Variants in GPR155 observed in about 807,000 individuals in gnomAD.
GPR155 encodes lysosomal cholesterol signaling protein.
A neutral mutation model predicts 93.1 loss-of-function variants in GPR155; 65 were observed. The ratio of observed to expected loss-of-function variants is 0.70; its 90% CI spans 0.57 to 0.86. GPR155 has a LOEUF of 0.86. Among genes scored for constraint, GPR155 ranks in the 40% least tolerant of loss-of-function variants. GPR155 has a pLI of 0.00. For missense variants in GPR155, 838 were observed against 1,034.8 expected (o/e 0.81, Z 2.61); for synonymous variants, 319 against 360.1 (o/e 0.89, Z 1.29).
chr2:174,436,340 A>G lies in GPR155; in HGVS notation c.2389T>C (p.Ser797Pro). The change falls in exon 16 of 16, where the codon TCC becomes CCC. Residue 797 changes from serine to proline, a missense_variant. Ser to Pro is a moderately conservative substitution (Grantham distance 74). This residue lies in a region of GPR155 where 146 missense variants were observed against 177.5 expected (regional missense o/e 0.82). Coordinates refer to ENST00000392552, the MANE Select transcript of GPR155 (RefSeq NM_152529.7). ...VSWLIEVGLA[S>P]DRGEAVIYGD... is the part of the protein sequence containing the mutation. ...TATATCACAGCTTCACCACGGTCGG[A>G]GGCAAGGCCGACTTCAATTAGCCAG... 1 of 1,614,156 alleles carries G rather than the reference A, an allele frequency of 6.2e-7. No homozygotes were observed. The highest frequency in any genetic ancestry group is 1.1e-5 in the South Asian group (1 of 91,078).
In GPR155 at chr2:174,445,123, A is replaced by G. The variant is rs1687080695; in HGVS notation, c.2067T>C (p.Tyr689=). ...CGGCACAGAAAAACTGTAACTCAAC[A>G]TAAAGTCTTCCAGGCTCTTGGTTGA... ...WLFNQEPGRL[Y]VELQFFCAVF... The change falls in exon 13 of 16, where the codon TAT becomes TAC. Residue 689 remains tyrosine, a synonymous_variant. Coordinates refer to ENST00000392552, the MANE Select transcript of GPR155 (RefSeq NM_152529.7). 2.5e-6 allele frequency: 4 copies of G among 1,604,042 alleles called. No individual in the cohort carries two copies. Among genetic ancestry groups the G allele is most frequent in the Non-Finnish European group, 3.4e-6 (4 of 1,170,862 alleles).
intron 2 of GPR155, among the ~76,000 whole-genome samples, chr2:174,476,370 A>T (rs995044252): frequency 6.6e-6 from 1 of 152,072 alleles, no homozygotes; most frequent in African/African-American, 2.4e-5. Context: ...CTTTGGGAGG[A>T]CAAGGCAGGC....
chr2:174,464,374 T>C (rs1687782467), intron 7 of GPR155, among the ~76,000 whole-genome samples: 1 of 152,072 alleles, frequency 6.6e-6, no homozygotes, highest in Non-Finnish European at 1.5e-5. Flanking sequence ...AAATCAATTT[T>C]AAGGAAAAAA....
At chr2:174,473,481 C>A in intron 2 of GPR155, 117 bp from the exon 3 acceptor site, 5 of 650,982 alleles carry the variant, frequency 7.7e-6, no homozygotes, top group Admixed American at 3.3e-5. Context: ...TCAAAATGAC[C>A]CAAATAGCCT....
chr2:174,453,504 C>G (rs1244409628), intron 11 of GPR155, among the ~76,000 whole-genome samples: 3 of 151,542 alleles, frequency 2.0e-5, no homozygotes, highest in Non-Finnish European at 2.9e-5. Flanking sequence ...ACTAAAAATA[C>G]AAAAAATTAG....
Position 174,440,039 on chromosome 2 carries a change from A to G in GPR155, c.2175-4T>C. 1 of 1,604,972 alleles carries G rather than the reference A, an allele frequency of 6.2e-7. No individual in the cohort carries two copies. Among genetic ancestry groups the G allele is most frequent in the Non-Finnish European group, 8.5e-7 (1 of 1,176,432 alleles). ...ATTGTTCCATAGGAATTCAAGTCTG[A>G]AAATCAAATTTATGGCCATTTTTAA... On this transcript the variant is annotated splice_region_variant and splice_polypyrimidine_tract_variant and intron_variant, in intron 14 of 15. Transcript: ENST00000392552.
intron 11 of GPR155, among the ~76,000 whole-genome samples, chr2:174,449,884 G>C (rs946161773): frequency 3.3e-5 from 5 of 152,190 alleles, no homozygotes; most frequent in Admixed American, 3.3e-4. Flanking sequence ...GCTGAGACAG[G>C]AGAATTGCTT....
chr2:174,469,039 A>G lies in GPR155; in HGVS notation c.1055T>C (p.Phe352Ser). 6.2e-7 allele frequency: 1 copy of G among 1,614,104 alleles called. No individual in the cohort carries two copies. The highest frequency in any genetic ancestry group is 8.5e-7 in the Non-Finnish European group (1 of 1,179,958). ...AACGTACATGATGGGAGCAGACACA[A>G]ATGTGCTTATCACCATCCCTGAGGT... ...IITSGMVIST[F>S]VSAPIMYVSA... is the part of the protein sequence containing the mutation. The change falls in exon 5 of 16, where the codon TTT (phenylalanine) becomes TCT (serine). Residue 352 changes from phenylalanine to serine, a missense_variant. By Grantham distance (155) the Phe-to-Ser change is radical. This residue lies in a region of GPR155 where 663 missense variants were observed against 790.1 expected (regional missense o/e 0.84). Coordinates refer to ENST00000392552, the MANE Select transcript of GPR155 (RefSeq NM_152529.7).
At chr2:174,441,169 G>A (rs993873678) in intron 14 of GPR155, among the ~76,000 whole-genome samples, 5 of 151,688 alleles carry the variant, frequency 3.3e-5, no homozygotes, top group African/African-American at 2.4e-5. Flanking sequence ...TGGTGTCTTC[G>A]CAGTTACTAA....
intron 11 of GPR155, among the ~76,000 whole-genome samples, chr2:174,449,186 C>T (rs1485253479): frequency 6.6e-6 from 1 of 152,170 alleles, no homozygotes; most frequent in Non-Finnish European, 1.5e-5. Flanking sequence ...GAGATACCGT[C>T]TTGCATCAGT....
At position 174,473,188 on chromosome 2, in the gene GPR155, G is replaced by A. The variant is rs769390867; in HGVS notation, c.637C>T (p.Arg213Cys). 12 of 1,612,774 alleles carry A rather than the reference G, an allele frequency of 7.4e-6. No individual in the cohort carries two copies. The highest frequency in any genetic ancestry group is 6.7e-5 in the East Asian group (3 of 44,868). The change falls in exon 3 of 16, where the codon CGT becomes TGT. Residue 213 changes from arginine to cysteine, a missense_variant. Arg to Cys is a radical substitution (Grantham distance 180). Coordinates refer to ENST00000392552, the MANE Select transcript of GPR155 (RefSeq NM_152529.7). ...KIKIVGLGLL[R>C]VLQNPIVFMV... ...AATACTATTGGGTTCTGTAATACAC[G>A]CAGGAGTCCGAGTCCCACAATTTTT...
At chr2:174,441,391 A>G (rs1418412731) in intron 14 of GPR155, among the ~76,000 whole-genome samples, 1 of 151,442 alleles carries the variant, frequency 6.6e-6, no homozygotes. Flanking sequence ...AATTTTACCA[A>G]TCAAATTAAA....
intron 14 of GPR155, among the ~76,000 whole-genome samples, chr2:174,440,494 A>G (rs530349885): frequency 6.6e-6 from 1 of 152,268 alleles, no homozygotes; most frequent in South Asian, 2.1e-4. Context: ...CAGCAAGCCT[A>G]CACATTAGAA....
At chr2:174,444,527 C>A in intron 13 of GPR155, among the ~76,000 whole-genome samples, 1 of 127,286 alleles carries the variant, frequency 7.9e-6, no homozygotes, top group East Asian at 2.4e-4. Flanking sequence ...TCATCTCACT[C>A]TGTCACCCAG....
At chr2:174,448,570 G>A (rs1336225741) in intron 11 of GPR155, among the ~76,000 whole-genome samples, 3 of 128,090 alleles carry the variant, frequency 2.3e-5, no homozygotes, top group South Asian at 2.4e-4. Flanking sequence ...TCGCTCTGTC[G>A]CCCAGGCCGG....
At position 174,468,951 on chromosome 2, in the gene GPR155, A is replaced by G; in HGVS notation, c.1143T>C (p.Asn381=). 6.2e-7 allele frequency: 1 copy of G among 1,614,080 alleles called. No individual in the cohort carries two copies. Residue 381 remains asparagine, a synonymous_variant, in exon 5 of 16, where the codon AAT becomes AAC. Coordinates refer to ENST00000392552, the MANE Select transcript of GPR155 (RefSeq NM_152529.7). ...TGACAATACTTATATCAAAACTAAC[A>G]TTCTGGATGGCATATGCCAATGGCT... The part of the protein sequence containing the change: ...DPKPLAYAIQ[N]VSFDISIVSL...
intron 7 of GPR155, 49 bp from the exon 8 acceptor site, chr2:174,461,721 A>G: frequency 1.0e-6 from 1 of 976,328 alleles, no homozygotes; most frequent in Non-Finnish European, 1.6e-6. Flanking sequence ...CATTGATCAG[A>G]CTTTATGAAA....
intron 15 of GPR155, among the ~76,000 whole-genome samples, chr2:174,436,716 C>T (rs1686795675): frequency 6.6e-6 from 1 of 152,068 alleles, no homozygotes; most frequent in African/African-American, 2.4e-5. Flanking sequence ...TTTATAGTAG[C>T]CTGTTATCAG....
At chr2:174,438,021 G>A (rs990047993) in intron 15 of GPR155, among the ~76,000 whole-genome samples, 1 of 151,594 alleles carries the variant, frequency 6.6e-6, no homozygotes. Context: ...TTGGGAGGCC[G>A]AGGTGGGCAG....
Sources: gnomAD v4.1 joint callset for allele counts (sites outside exome capture counted in the v4.1 genomes callset) on GRCh38, gnomAD v4.1.1 for gene constraint, gnomAD v4.1.1 regional missense constraint, MANE v1.5 for transcripts, NCBI Gene and HGNC (gene_info 2026-07-23, HGNC 2026-07-21) for gene names.